Variants in TANC2 observed in about 807,000 individuals in gnomAD.
The protein encoded by TANC2 is tetratricopeptide repeat, ankyrin repeat and coiled-coil containing 2.
In TANC2, 26 loss-of-function variants were observed where a neutral mutation model predicts 210.5. That is an observed-to-expected ratio of 0.12 (90% confidence interval 0.09 to 0.17). TANC2 has a LOEUF of 0.17. Among genes scored for constraint, TANC2 ranks in the 10% least tolerant of loss-of-function variants. The pLI is 1.00. For synonymous variants in TANC2, 931 were observed against 967.1 expected, an observed-to-expected ratio of 0.96 and a Z score of 0.69; for missense variants, 2,129 against 2,608.9, an observed-to-expected ratio of 0.82 and a Z score of 4.01.
intron 1 of TANC2, among the ~76,000 whole-genome samples, chr17:62,972,373 T>C (rs534770087): frequency 1.3e-5 from 2 of 152,244 alleles, no homozygotes; most frequent in South Asian, 4.1e-4. Flanking sequence ...TTCCCCGTAA[T>C]ATCAATTTCT....
chr17:63,013,623 G>A lies in TANC2; in HGVS notation c.67+3997G>A, dbSNP rs930509407. On this transcript the variant is annotated intron_variant, in intron 2 of 27. Coordinates refer to ENST00000689528, the Ensembl canonical transcript of TANC2. ...TTAAAAATGCATAAATTAGCCAGACGTGTTGGCACATGCCTGTAATCTCAG... is the reference window on the plus strand; with the variant it reads ...TTAAAAATGCATAAATTAGCCAGACATGTTGGCACATGCCTGTAATCTCAG... 5.3e-5 allele frequency among the ~76,000 whole-genome samples: 8 copies of A among 152,188 alleles called. No individual in the cohort carries two copies. In the East Asian group the frequency reaches 1.4e-3, roughly 26 times the overall value.
intron 2 of TANC2, among the ~76,000 whole-genome samples, chr17:63,012,208 A>G (rs2033906430): frequency 6.6e-6 from 1 of 151,710 alleles, no homozygotes; most frequent in Non-Finnish European, 1.5e-5. Context: ...TTTTGTAGAG[A>G]TGAGATCTCA....
At chr17:63,222,050 T>A (rs567575861) in intron 7 of TANC2, among the ~76,000 whole-genome samples, 30 of 152,346 alleles carry the variant, frequency 2.0e-4, no homozygotes, top group Non-Finnish European at 3.4e-4. Flanking sequence ...AATAGAAATA[T>A]ATTTCTCACA....
chr17:63,276,541 CT>C (rs1788806274), intron 9 of TANC2, among the ~76,000 whole-genome samples: 1 of 137,302 alleles, frequency 7.3e-6, no homozygotes. Context: ...TGTTCTCTTT[CT>C]GAAAATTCCA....
chr17:63,136,715 G>A (rs1248830962), intron 4 of TANC2, among the ~76,000 whole-genome samples: 1 of 152,160 alleles, frequency 6.6e-6, no homozygotes, highest in Non-Finnish European at 1.5e-5. Flanking sequence ...CTTCCCACCA[G>A]AAACAACTGT....
chr17:63,164,520 C>G lies in TANC2; in HGVS notation c.433+13140C>G, dbSNP rs1598504578. On this transcript the variant is annotated intron_variant, in intron 5 of 27. Transcript: ENST00000689528. The stretch of plus-strand genomic sequence containing the variant: ...GTCAGGGTTCTCTGGAGAAACAGAA[C>G]CAATAGGTTATAGATAAAGATACAG... 2.6e-5 allele frequency among the ~76,000 whole-genome samples: 4 copies of G among 151,962 alleles called. No homozygotes were observed. The South Asian group carries it at 8.3e-4, about 32-fold the overall frequency.
chr17:63,219,996 T>C (rs2042125116), intron 7 of TANC2, among the ~76,000 whole-genome samples: 1 of 151,908 alleles, frequency 6.6e-6, no homozygotes, highest in Non-Finnish European at 1.5e-5. Flanking sequence ...TGGAACCACA[T>C]AAAGAGTCCA....
intron 5 of TANC2, among the ~76,000 whole-genome samples, chr17:63,190,549 A>G (rs1200189699): frequency 2.0e-5 from 3 of 152,136 alleles, no homozygotes; most frequent in East Asian, 1.9e-4. Flanking sequence ...ATTTCCATAT[A>G]ATTTTTATGA....
chr17:63,425,921 C>T (rs2049132306), exon 28 of TANC2: 1 of 152,278 alleles, frequency 6.6e-6, no homozygotes, highest in African/African-American at 2.4e-5. Flanking sequence ...AGAAGCGTCA[C>T]AGTTGGGTGG....
intron 9 of TANC2, among the ~76,000 whole-genome samples, chr17:63,268,820 T>C (rs1442370931): frequency 6.6e-6 from 1 of 152,186 alleles, no homozygotes; most frequent in African/African-American, 2.4e-5. Context: ...GTTACAGTGA[T>C]GGTCTAGTTG....
intron 8 of TANC2, among the ~76,000 whole-genome samples, chr17:63,239,449 C>T (rs1326090436): frequency 8.5e-5 from 13 of 152,166 alleles, no homozygotes; most frequent in Admixed American, 8.5e-4. Flanking sequence ...CCTTATGTAG[C>T]TGATAGTGTA....
At chr17:62,997,061 C>T (rs577004559) in intron 1 of TANC2, among the ~76,000 whole-genome samples, 41 of 148,036 alleles carry the variant, frequency 2.8e-4, no homozygotes, top group African/African-American at 9.6e-4. Context: ...GTGATCTGCC[C>T]GCCATAGCCT....
At chr17:63,118,812 C>T (rs1382592894) in intron 4 of TANC2, among the ~76,000 whole-genome samples, 1 of 148,112 alleles carries the variant, frequency 6.8e-6, no homozygotes, top group East Asian at 2.0e-4. Context: ...CAGAGTCTCG[C>T]TCTGTCGCCC....
chr17:63,367,698 G>A (rs1203991222), intron 14 of TANC2, among the ~76,000 whole-genome samples: 1 of 152,166 alleles, frequency 6.6e-6, no homozygotes, highest in Non-Finnish European at 1.5e-5. Flanking sequence ...AAAGGAAAAG[G>A]TAATGGCAGT....
intron 11 of TANC2, among the ~76,000 whole-genome samples, chr17:63,338,039 T>G (rs1358915164): frequency 6.6e-6 from 1 of 152,240 alleles, no homozygotes; most frequent in Non-Finnish European, 1.5e-5. Context: ...TTAAGGTTGA[T>G]TCCATGTCTT....
At chr17:63,156,102 A>G (rs1039312462) in intron 5 of TANC2, among the ~76,000 whole-genome samples, 10 of 152,134 alleles carry the variant, frequency 6.6e-5, no homozygotes, top group East Asian at 1.9e-4. Flanking sequence ...GCTACAAACT[A>G]TGTGCTTGTA....
intron 2 of TANC2, among the ~76,000 whole-genome samples, chr17:63,038,701 A>G (rs967308685): frequency 1.3e-5 from 2 of 152,114 alleles, no homozygotes; most frequent in African/African-American, 2.4e-5. Flanking sequence ...AGTTATAGCA[A>G]TATACAGGTT....
chr17:63,389,836 C>T, intron 17 of TANC2: 1 of 373,282 alleles, frequency 2.7e-6, no homozygotes, highest in South Asian at 2.5e-5. Flanking sequence ...TCAGAAGAAG[C>T]CTCTTTTTAA....
At chr17:63,423,768 GA>G (rs2049080122) in exon 28 of TANC2, 1 of 152,232 alleles carries the variant, frequency 6.6e-6, no homozygotes. Flanking sequence ...TCTCTGTGCT[GA>G]AAGCAAATAG....
Sources: allele counts gnomAD v4.1 joint callset (sites outside exome capture counted in the v4.1 genomes callset), GRCh38; gene constraint gnomAD v4.1.1; transcripts MANE v1.5; gene names NCBI Gene and HGNC (gene_info 2026-07-23, HGNC 2026-07-21).